Variants in SYNE2 observed in about 807,000 individuals in gnomAD.
The protein encoded by SYNE2 is nesprin-2.
In SYNE2, 431 loss-of-function variants were observed where a neutral mutation model predicts 856.3. That is an observed-to-expected ratio of 0.50 (90% confidence interval 0.47 to 0.55). The LOEUF is 0.55. Ranked by LOEUF, SYNE2 falls within the 20% of genes least tolerant of loss-of-function variation. The pLI is 0.00. For synonymous variants in SYNE2, 2,923 were observed against 2,872.3 expected (o/e 1.02, Z -0.56); for missense variants, 8,129 against 8,023.2 (o/e 1.01, Z -0.50).
chr14:63,774,008 G>C (rs1887017272), intron 1 of SYNE2, among the ~76,000 whole-genome samples: 1 of 152,156 alleles, frequency 6.6e-6, no homozygotes. Context: ...AGTGTCACTA[G>C]AAGACGTTTC....
intron 1 of SYNE2, among the ~76,000 whole-genome samples, chr14:63,765,872 G>A (rs1225195581): frequency 2.0e-5 from 3 of 152,002 alleles, no homozygotes; most frequent in Non-Finnish European, 4.4e-5. Context: ...CAGGTGTGTT[G>A]GTGCACGCCT....
intron 54 of SYNE2, 25 bp from the exon 55 acceptor site, chr14:64,078,441 A>T (rs1567229114): frequency 1.2e-6 from 2 of 1,612,916 alleles, no homozygotes. Context: ...TCTCTAAGCC[A>T]AATGCGTCTT....
intron 1 of SYNE2, among the ~76,000 whole-genome samples, chr14:63,765,297 TC>T (rs990239724): frequency 6.6e-6 from 1 of 152,174 alleles, no homozygotes; most frequent in African/African-American, 2.4e-5. Flanking sequence ...CACTATTCCA[TC>T]TTTTTTGCTT....
intron 87 of SYNE2, 46 bp downstream of exon 87, chr14:64,159,488 T>G: frequency 4.4e-6 from 7 of 1,604,962 alleles, no homozygotes; most frequent in Non-Finnish European, 6.0e-6. Flanking sequence ...TTTATCTTAA[T>G]GACTTGTGAA....
chr14:64,132,674 A>G (rs562723740), intron 77 of SYNE2, among the ~76,000 whole-genome samples: 1 of 152,200 alleles, frequency 6.6e-6, no homozygotes, highest in East Asian at 1.9e-4. Context: ...TTTTAGGTTC[A>G]TGTATGAATA....
At chr14:63,978,464 T>C (rs1322966562) in intron 13 of SYNE2, among the ~76,000 whole-genome samples, 1 of 152,220 alleles carries the variant, frequency 6.6e-6, no homozygotes, top group Non-Finnish European at 1.5e-5. Context: ...AAAAACAACT[T>C]ATTAGAATAA....
rs766123007 is a variant in SYNE2, at chr14:64,129,790, T to C, written c.14028T>C (p.Asp4676=). Residue 4676 remains aspartate, a synonymous_variant, in exon 75 of 116, where the codon GAT becomes GAC. Transcript: ENST00000555002. ...TATTGTCTCTCACTTAGAAAGCAGA[T>C]GCATATACAGTGGAGCTGGAGAACG... is the stretch of plus-strand genomic sequence containing the variant. The part of the protein sequence containing the change: ...QSVAEQLQKA[D]AYTVELENAE... 9.3e-6 allele frequency: 15 copies of C among 1,614,016 alleles called. No individual in the cohort carries two copies. The highest frequency in any genetic ancestry group is 1.3e-5 in the Non-Finnish European group (15 of 1,180,038).
chr14:64,002,014 C>T lies in SYNE2; in HGVS notation c.3719C>T (p.Pro1240Leu), dbSNP rs1014392092. The T allele has an allele frequency of 1.4e-5, 22 of 1,613,946 alleles. No individual in the cohort carries two copies. The highest frequency in any genetic ancestry group is 1.9e-5 in the Non-Finnish European group (22 of 1,179,824). Residue 1240 changes from proline to leucine, a missense_variant, in exon 29 of 116, where the codon CCT becomes CTT. Around this residue, in one of 3 missense-constraint regions of SYNE2, gnomAD observed 2,422 missense variants for 2,357.4 expected, o/e 1.03. Transcript: ENST00000555002. ...ASLLLCGSDL[P>L]LHKMAIQGFH... Reference sequence around the variant, plus strand: ...CTTCTTCTCTGTGGCTCGGACCTGCCTCTCCATAAAATGGCCATCCAGGGA... The same window carrying T: ...CTTCTTCTCTGTGGCTCGGACCTGCTTCTCCATAAAATGGCCATCCAGGGA...
At position 64,142,087 on chromosome 14, in the gene SYNE2, A is replaced by G; in HGVS notation, c.15305A>G (p.Lys5102Arg). 1 of 1,614,140 alleles carries G rather than the reference A, an allele frequency of 6.2e-7. No homozygotes were observed. Among genetic ancestry groups the G allele is most frequent in the Non-Finnish European group, 8.5e-7 (1 of 1,179,986 alleles). ...SQVKHLLQKHKEFRMEMDYKQ... is the reference protein window; with the variant it reads ...SQVKHLLQKHREFRMEMDYKQ... ...GTTAAACATCTTCTTCAGAAGCACA[A>G]GGTAATTATGCAAAAGGAGCAGAAG... is the stretch of plus-strand genomic sequence containing the variant. The change falls in exon 82 of 116, where the codon AAG becomes AGG. Residue 5102 changes from lysine to arginine, a missense_variant and splice_region_variant. Lys to Arg is a conservative substitution (Grantham distance 26). Transcript: ENST00000555002.
At chr14:64,172,153 A>C (rs964844003) in intron 94 of SYNE2, among the ~76,000 whole-genome samples, 2 of 152,186 alleles carry the variant, frequency 1.3e-5, no homozygotes, top group African/African-American at 4.8e-5. Context: ...GCCCAGCCCC[A>C]TATTTTTTAA....
intron 18 of SYNE2, among the ~76,000 whole-genome samples, chr14:63,984,431 C>G (rs1314506245): frequency 1.3e-5 from 2 of 152,166 alleles, no homozygotes; most frequent in Non-Finnish European, 2.9e-5. Context: ...TGATTCTGAG[C>G]AGTGTAAATT....
chr14:64,216,065 C>T, intron 107 of SYNE2, 183 bp from the exon 108 acceptor site: 2 of 1,501,612 alleles, frequency 1.3e-6, no homozygotes, highest in Admixed American at 2.0e-5. Flanking sequence ...CTAGTGAAGG[C>T]ACAGTGTTGC....
Position 64,224,449 on chromosome 14 carries a change from TC to T in SYNE2, c.20383-11del. The T allele has an allele frequency of 6.2e-7, 1 of 1,613,500 alleles. No individual in the cohort carries two copies. The highest frequency in any genetic ancestry group is 1.3e-5 in the African/African-American group (1 of 74,938). On this transcript the variant is annotated splice_polypyrimidine_tract_variant and intron_variant, in intron 113 of 115. Transcript: ENST00000555002. Reference sequence around the variant, plus strand: ...ACATTTCTGTGCTCAACCTTTGGGGTCTGAATTTCAGAACCCAGCCTCACCC... The same window carrying T: ...ACATTTCTGTGCTCAACCTTTGGGGTTGAATTTCAGAACCCAGCCTCACCC...
chr14:64,022,661 G>A, intron 37 of SYNE2, 90 bp from the exon 38 acceptor site: 1 of 759,108 alleles, frequency 1.3e-6, no homozygotes, highest in Non-Finnish European at 2.4e-6. Context: ...GTATATCTAT[G>A]GCATGGGAAA....
rs1179904240 is a variant in SYNE2, at chr14:64,143,811, G to A, written c.15346G>A (p.Asp5116Asn). ...AATGGACTATAAACAGTGGATAGTT[G>A]ACTTCGTTAACCAGTCATTACTTCA... ...MEMDYKQWIV[D>N]FVNQSLLQLS... The change falls in exon 83 of 116, where the codon GAC (aspartate) becomes AAC (asparagine). Residue 5116 changes from aspartate (D) to asparagine (N), a missense_variant. This residue lies in a region of SYNE2 where 5,410 missense variants were observed against 5,284.8 expected (regional missense o/e 1.02). Coordinates refer to ENST00000555002, the MANE Select transcript of SYNE2 (RefSeq NM_182914.3). 8 of 1,614,052 alleles carry A rather than the reference G, an allele frequency of 5.0e-6. No homozygotes were observed. Among genetic ancestry groups the A allele is most frequent in the Non-Finnish European group, 6.8e-6 (8 of 1,180,038 alleles).
intron 84 of SYNE2, among the ~76,000 whole-genome samples, chr14:64,150,063 G>A (rs61987287): frequency 0.022 from 2,915 of 135,364 alleles, 39 homozygotes; most frequent in African/African-American, 0.036. Context: ...CCAGGCTGGA[G>A]TGCAGTGTTG....
At chr14:64,177,324 AATACTTACC>A (rs751537859) in intron 95 of SYNE2, 25 bp from the exon 96 acceptor site, 1 of 1,613,648 alleles carries the variant, frequency 6.2e-7, no homozygotes, top group African/African-American at 1.3e-5. Context: ...TAAAGAGCAA[AATACTTACC>A]AGTTTTAATC....
intron 49 of SYNE2, among the ~76,000 whole-genome samples, chr14:64,057,466 A>T (rs1398268245): frequency 6.6e-6 from 1 of 151,956 alleles, no homozygotes; most frequent in Non-Finnish European, 1.5e-5. Context: ...TTTTTTTTTA[A>T]TGGCTAAATA....
intron 113 of SYNE2, 21 bp from the exon 114 acceptor site, chr14:64,224,440 C>G (rs2098709127): frequency 1.3e-6 from 2 of 1,596,404 alleles, no homozygotes; most frequent in East Asian, 2.2e-5. Flanking sequence ...CTGTGCTCAA[C>G]CTTTGGGGTC....
Sources: allele counts gnomAD v4.1 joint callset (sites outside exome capture counted in the v4.1 genomes callset), GRCh38; gene constraint gnomAD v4.1.1; regional missense constraint gnomAD v4.1.1; transcripts MANE v1.5; gene names NCBI Gene and HGNC (gene_info 2026-07-23, HGNC 2026-07-21).